The following LRRTM4 variants were observed in gnomAD, a reference collection of about 807,000 sequenced individuals.
The protein encoded by LRRTM4 is leucine-rich repeat transmembrane neuronal protein 4.
LRRTM4 carries 25 observed loss-of-function variants against 47.6 expected under a neutral mutation model. That is an observed-to-expected ratio of 0.53 (90% CI 0.38 to 0.73). The LOEUF (loss-of-function observed/expected upper bound fraction) is 0.73, where lower values mean the gene tolerates loss of function less well. Among genes scored for constraint, LRRTM4 ranks in the 30% least tolerant of loss-of-function variants. LRRTM4 has a pLI of 0.00. For synonymous variants in LRRTM4, 311 were observed against 269.5 expected (o/e 1.15, Z -1.51); for missense variants, 638 against 713.4 (o/e 0.89, Z 1.20).
intron 3 of LRRTM4, among the ~76,000 whole-genome samples, chr2:76,902,967 G>A (rs190405781): frequency 3.3e-5 from 5 of 152,002 alleles, no homozygotes; most frequent in South Asian, 4.2e-4. Flanking sequence ...CTAATAAATT[G>A]GGTGGGTCAA....
At chr2:77,326,922 G>A (rs1212256010) in intron 3 of LRRTM4, among the ~76,000 whole-genome samples, 2 of 152,092 alleles carry the variant, frequency 1.3e-5, no homozygotes, top group Non-Finnish European at 2.9e-5. Context: ...CTGTTTATGT[G>A]CTTCCATTTT....
chr2:76,861,243 A>G (rs1230111443), intron 3 of LRRTM4, among the ~76,000 whole-genome samples: 1 of 152,138 alleles, frequency 6.6e-6, no homozygotes, highest in Non-Finnish European at 1.5e-5. Flanking sequence ...CTTTATATTC[A>G]TTCTTGTATT....
At chr2:77,009,878 A>G (rs1225732016) in intron 3 of LRRTM4, 3 of 152,004 alleles carry the variant, frequency 2.0e-5, no homozygotes, top group African/African-American at 4.8e-5. Context: ...TCAAGTCACT[A>G]TCATATTATA....
At position 77,505,115 on chromosome 2, in the gene LRRTM4, T is replaced by C. The variant is rs1482275601; in HGVS notation, c.1551+13203A>G. On this transcript the variant is annotated intron_variant, in intron 3 of 3. Coordinates refer to ENST00000409884, the MANE Select transcript of LRRTM4 (RefSeq NM_001134745.3). ...TTAAGAGATAATTATAAATTACGAA[T>C]CAAAGTAAGCGCAATAGGAGCTGAT... Among the ~76,000 whole-genome samples the C allele has an allele frequency of 7.3e-5, 11 of 151,112 alleles. No individual in the cohort carries two copies. The East Asian group carries it at 2.1e-3, about 29-fold the overall frequency.
chr2:76,757,618 C>G (rs1210156764), intron 3 of LRRTM4, among the ~76,000 whole-genome samples: 1 of 152,020 alleles, frequency 6.6e-6, no homozygotes, highest in Admixed American at 6.6e-5. Context: ...TAAAGTCTCC[C>G]CAATAGTGCA....
chr2:77,338,809 T>C (rs1464032617), intron 3 of LRRTM4, among the ~76,000 whole-genome samples: 3 of 152,098 alleles, frequency 2.0e-5, no homozygotes, highest in Non-Finnish European at 4.4e-5. Context: ...CGTATGTTTA[T>C]TGCAGCACTA....
At chr2:77,092,747 A>T (rs2103890816) in intron 3 of LRRTM4, among the ~76,000 whole-genome samples, 1 of 143,300 alleles carries the variant, frequency 7.0e-6, no homozygotes, top group Non-Finnish European at 1.5e-5. Flanking sequence ...ATAATTCCTC[A>T]GTTTAGCCTT....
intron 3 of LRRTM4, among the ~76,000 whole-genome samples, chr2:77,224,863 G>T (rs1674756170): frequency 6.6e-6 from 1 of 151,968 alleles, no homozygotes; most frequent in South Asian, 2.1e-4. Flanking sequence ...CCCATTACTG[G>T]GTATATACCC....
intron 3 of LRRTM4, among the ~76,000 whole-genome samples, chr2:77,309,043 C>G (rs1014616038): frequency 3.4e-4 from 51 of 152,146 alleles, no homozygotes; most frequent in African/African-American, 1.2e-3. Flanking sequence ...AAAAGGAAGG[C>G]TGTCTGAGCC....
intron 3 of LRRTM4, among the ~76,000 whole-genome samples, chr2:77,093,800 C>T (rs1173552245): frequency 1.3e-5 from 2 of 151,766 alleles, no homozygotes; most frequent in Admixed American, 6.6e-5. Context: ...GATGACATTC[C>T]ACCACAAAAG....
chr2:77,169,622 ACC>A (rs1353326607), intron 3 of LRRTM4, among the ~76,000 whole-genome samples: 1 of 151,946 alleles, frequency 6.6e-6, no homozygotes, highest in East Asian at 1.9e-4. Context: ...ATGAAATTTG[ACC>A]CCCATTCTCT....
At position 77,158,895 on chromosome 2, in the gene LRRTM4, T is replaced by C. The variant is rs115947429; in HGVS notation, c.1551+359423A>G. Among the ~76,000 whole-genome samples, 578 of 152,112 alleles carry C rather than the reference T, an allele frequency of 3.8e-3. 5 individuals are homozygous for C. Among genetic ancestry groups the C allele is most frequent in the African/African-American group, 0.013 (526 of 41,538 alleles). The stretch of plus-strand genomic sequence containing the variant: ...ACTTTATAATTAATTACATACGATA[T>C]AACAATTATCACCTGTCTTCTGCAA... On this transcript the variant is annotated intron_variant, in intron 3 of 3. Coordinates refer to ENST00000409884, the MANE Select transcript of LRRTM4 (RefSeq NM_001134745.3).
chr2:77,002,773 AAAAAGTCTCTTTTTAAG>A (rs1677480390), intron 3 of LRRTM4, among the ~76,000 whole-genome samples: 1 of 152,150 alleles, frequency 6.6e-6, no homozygotes, highest in African/African-American at 2.4e-5. Context: ...GTCTCTGCTT[AAAAAGTCTCTTTTTAAG>A]AGATGCTTCT....
chr2:77,298,689 G>A (rs1677041514), intron 3 of LRRTM4, among the ~76,000 whole-genome samples: 1 of 152,086 alleles, frequency 6.6e-6, no homozygotes, highest in Non-Finnish European at 1.5e-5. Flanking sequence ...TCATGAACTA[G>A]CAATGCAGTT....
At chr2:76,826,499 A>C (rs1009701544) in intron 3 of LRRTM4, among the ~76,000 whole-genome samples, 8 of 150,692 alleles carry the variant, frequency 5.3e-5, no homozygotes, top group African/African-American at 2.0e-4. Context: ...AAAGTAGGAG[A>C]ATCAATTGTC....
chr2:77,076,472 G>T (rs767110034), intron 3 of LRRTM4, among the ~76,000 whole-genome samples: 11 of 152,240 alleles, frequency 7.2e-5, no homozygotes, highest in Non-Finnish European at 1.2e-4. Flanking sequence ...AACAAGCAGT[G>T]TATAAAAAAC....
intron 3 of LRRTM4, among the ~76,000 whole-genome samples, chr2:76,931,736 C>A (rs975922586): frequency 1.1e-4 from 17 of 151,958 alleles, no homozygotes; most frequent in Admixed American, 1.1e-3. Flanking sequence ...GCCCTCAGTT[C>A]CAACGTACTT....
At chr2:76,878,188 G>A (rs1446448252) in intron 3 of LRRTM4, among the ~76,000 whole-genome samples, 1 of 151,926 alleles carries the variant, frequency 6.6e-6, no homozygotes, top group African/African-American at 2.4e-5. Context: ...AATTGTTTTG[G>A]GCACAGCAAA....
intron 3 of LRRTM4, among the ~76,000 whole-genome samples, chr2:76,973,934 AAC>A (rs1282241237): frequency 6.6e-6 from 1 of 151,686 alleles, no homozygotes; most frequent in Non-Finnish European, 1.5e-5. Context: ...GGATCAATGA[AAC>A]ATACATTCAG....
Sources: gnomAD v4.1 joint callset for allele counts (sites outside exome capture counted in the v4.1 genomes callset) on GRCh38, gnomAD v4.1.1 for gene constraint, MANE v1.5 for transcripts, NCBI Gene and HGNC (gene_info 2026-07-23, HGNC 2026-07-21) for gene names.